AGBL5: variants seen among roughly 807,000 people sequenced by gnomAD.
AGBL5 encodes the protein AGBL carboxypeptidase 5.
AGBL5 carries 51 observed loss-of-function variants against 88.0 expected under a neutral mutation model. The observed-to-expected ratio is 0.58, with a 90% confidence interval of 0.46 to 0.73. AGBL5 has a LOEUF of 0.73. Among genes scored for constraint, AGBL5 ranks in the 30% least tolerant of loss-of-function variants. AGBL5 has a pLI of 0.00. For synonymous variants in AGBL5, 446 were observed against 438.8 expected, an observed-to-expected ratio of 1.02 and a Z score of -0.21; for missense variants, 1,031 against 1,162.2, an observed-to-expected ratio of 0.89 and a Z score of 1.64.
Position 27,053,214 on chromosome 2 carries a change from C to T in AGBL5, c.215+41C>T. Reference sequence around the variant, plus strand: ...TGGAGGGTGGAAAAAGGCTCCAAACCCATGCTTCAGTTAGCCCTCTGACTT... The same window carrying T: ...TGGAGGGTGGAAAAAGGCTCCAAACTCATGCTTCAGTTAGCCCTCTGACTT... On this transcript the variant is annotated intron_variant, in intron 2 of 14. Coordinates refer to ENST00000360131, the MANE Select transcript of AGBL5 (RefSeq NM_021831.6). This position sits in a 1 kb window ranked among gnomAD's most constrained non-coding sequence, Gnocchi z 4.9. 1 of 1,548,182 alleles carries T rather than the reference C, an allele frequency of 6.5e-7. No individual in the cohort carries two copies. The highest frequency in any genetic ancestry group is 8.7e-7 in the Non-Finnish European group (1 of 1,143,344).
chr2:27,070,554 A>C lies in AGBL5; in HGVS notation c.*291A>C. On this transcript the variant is annotated 3_prime_UTR_variant, in exon 15 of 15. Transcript: ENST00000360131. ...CAAGCCCCTATACTGGGCCCTATTC[A>C]GTGGCAGCTTCTTGTTCCATAGGAT... The C allele has an allele frequency of 3.0e-6, 1 of 338,950 alleles. No individual in the cohort carries two copies. Among genetic ancestry groups the C allele is most frequent in the Non-Finnish European group, 5.4e-6 (1 of 184,258 alleles). The allele number at this position is 338,950 out of a possible 1,614,324, so 21.0% of individuals were successfully genotyped here.
At chr2:27,054,980 C>G (rs200709179) in intron 5 of AGBL5, 95 bp from the exon 6 acceptor site, 2 of 1,493,078 alleles carry the variant, frequency 1.3e-6, no homozygotes, top group African/African-American at 2.8e-5. Context: ...GGAAATCCAG[C>G]GGCTATTCCT....
At chr2:27,052,813 G>T in intron 1 of AGBL5, 100 bp from the exon 2 acceptor site, 1 of 634,158 alleles carries the variant, frequency 1.6e-6, no homozygotes. Flanking sequence ...TGTTTCATAG[G>T]GCACTCCCTA....
At chr2:27,068,533 C>A (rs1198507528) in intron 12 of AGBL5, 99 bp from the exon 13 acceptor site, 18 of 1,020,730 alleles carry the variant, frequency 1.8e-5, no homozygotes, top group Non-Finnish European at 1.9e-5. Flanking sequence ...TTATCCAACC[C>A]AAATTGTCAA....
rs1371149175 is a variant in AGBL5, at chr2:27,059,179, C to T, written c.1875-11C>T. ...CCTGGCCCGGGTTAACTGGCATCTG[C>T]TTCTTTGCAGTGGGTTGCCTGTCTC... On this transcript the variant is annotated splice_polypyrimidine_tract_variant and intron_variant, in intron 10 of 14. Coordinates refer to ENST00000360131, the MANE Select transcript of AGBL5 (RefSeq NM_021831.6). The T allele has an allele frequency of 6.2e-7, 1 of 1,610,506 alleles. No individual in the cohort carries two copies. The highest frequency in any genetic ancestry group is 8.5e-7 in the Non-Finnish European group (1 of 1,177,964).
At position 27,068,762 on chromosome 2, in the gene AGBL5, C is replaced by CTG. The variant is rs1669120307; in HGVS notation, c.2355+18_2355+19insTG. On this transcript the variant is annotated intron_variant, in intron 13 of 14. Coordinates refer to ENST00000360131, the MANE Select transcript of AGBL5 (RefSeq NM_021831.6). ...GATTGCAGGTAATATTTTTGGGTCT[C>CTG]CAGCATAGCTACTCTGGCAGAACCC... 1 of 1,613,182 alleles carries CTG rather than the reference C, an allele frequency of 6.2e-7. No homozygotes were observed. The highest frequency in any genetic ancestry group is 1.7e-5 in the Admixed American group (1 of 59,882).
At chr2:27,055,601 C>T (rs546416773) in intron 6 of AGBL5, 81 bp from the exon 7 acceptor site, 119 of 1,291,132 alleles carry the variant, frequency 9.2e-5, no homozygotes, top group Non-Finnish European at 1.2e-4. Context: ...CAGTCTCCTA[C>T]GGTCTCCTTT....
At chr2:27,059,674 T>A in intron 11 of AGBL5, 2 of 664,198 alleles carry the variant, frequency 3.0e-6, no homozygotes, top group Non-Finnish European at 4.9e-6. Context: ...GATGAAACAC[T>A]AGCTGAAGCA....
rs1668294068 is a variant in AGBL5 at position 27,053,799 on chromosome 2, G to A, written c.388-97G>A. 6.7e-7 allele frequency: 1 copy of A among 1,490,432 alleles called. No homozygotes were observed. The highest frequency in any genetic ancestry group is 1.4e-5 in the African/African-American group (1 of 71,220). 92.3% of individuals were successfully genotyped at this position (1,490,432 alleles called of 1,614,324 possible). The stretch of plus-strand genomic sequence containing the variant: ...TGTCACAGGGAGGGAAGTTGGTAAA[G>A]GTGATAAGGGTGTGAGGTCAGTTCC... On this transcript the variant is annotated intron_variant, in intron 3 of 14. Transcript: ENST00000360131. The surrounding 1 kb of genome is among the most constrained non-coding windows in gnomAD (Gnocchi z 4.9).
chr2:27,061,561 T>A (rs1267112722), intron 11 of AGBL5: 1 of 151,894 alleles, frequency 6.6e-6, no homozygotes, highest in African/African-American at 2.4e-5. Flanking sequence ...TAGAGACGGG[T>A]TTCACCATGT....
intron 11 of AGBL5, among the ~76,000 whole-genome samples, chr2:27,066,033 A>AGGTGGGT (rs1265583437): frequency 7.2e-5 from 11 of 152,194 alleles, no homozygotes; most frequent in African/African-American, 2.4e-4. Flanking sequence ...CTGAAGCAGG[A>AGGTGGGT]GGATCGCTTG....
At chr2:27,059,470 G>A in intron 11 of AGBL5, 66 bp downstream of exon 11, 1 of 1,603,424 alleles carries the variant, frequency 6.2e-7, no homozygotes, top group Non-Finnish European at 8.5e-7. Context: ...GGGGAAGTAA[G>A]AGCTTGAAGA....
upstream of AGBL5, chr2:27,051,012 T>C (rs1668082778): frequency 6.6e-6 from 1 of 152,292 alleles, no homozygotes; most frequent in African/African-American, 2.4e-5. Flanking sequence ...ACGCTCTTTC[T>C]GCGTTCAATG....
intron 11 of AGBL5, among the ~76,000 whole-genome samples, chr2:27,063,822 C>A (rs1466081378): frequency 6.6e-6 from 1 of 152,108 alleles, no homozygotes; most frequent in East Asian, 1.9e-4. Context: ...GATCAGTCTC[C>A]CCTCAGACCT....
intron 11 of AGBL5, among the ~76,000 whole-genome samples, chr2:27,059,938 C>G (rs1333410324): frequency 6.6e-6 from 1 of 152,140 alleles, no homozygotes; most frequent in African/African-American, 2.4e-5. Flanking sequence ...CACTTGAGGC[C>G]AGGAGTTCAA....
Position 27,053,943 on chromosome 2 carries a change from G to A in AGBL5, c.435G>A (p.Glu145=). 1 of 1,614,102 alleles carries A rather than the reference G, an allele frequency of 6.2e-7. No individual in the cohort carries two copies. Among genetic ancestry groups the A allele is most frequent in the Non-Finnish European group, 8.5e-7 (1 of 1,180,006 alleles). ...FVLSFVHRFV[E]GRGATTFFAF... is the part of the protein sequence containing the mutation. ...TATCCTTTGTTCATCGTTTCGTGGA[G>A]GGCCGTGGGGCCACCACCTTCTTCG... The change falls in exon 4 of 15, where the codon GAG becomes GAA. Residue 145 remains glutamate, a synonymous_variant. Coordinates refer to ENST00000360131, the MANE Select transcript of AGBL5 (RefSeq NM_021831.6). The surrounding 1 kb of genome is among the most constrained non-coding windows in gnomAD (Gnocchi z 4.9).
Position 27,056,716 on chromosome 2 carries a change from C to T in AGBL5, c.1459C>T (p.Arg487Ter), listed in dbSNP as rs749698218. The change falls in exon 8 of 15, where the codon CGA becomes TGA. Residue 487 changes from arginine (R) to a stop codon, truncating the protein, a stop_gained. Transcript: ENST00000360131. LOFTEE classifies it high-confidence loss of function. ...TTTCTCAGAGAAGAATATGTATGCC[C>T]GAGACCGTAGAGATGGCCAGTCTAA... ...CNFSEKNMYARDRRDGQSKEG... is the reference protein window; with the variant it reads ...CNFSEKNMYA 10 of 1,613,560 alleles carry T rather than the reference C, an allele frequency of 6.2e-6. No individual in the cohort carries two copies. Among genetic ancestry groups the T allele is most frequent in the South Asian group, 1.1e-5 (1 of 91,032 alleles).
intron 13 of AGBL5, chr2:27,069,138 A>G: frequency 7.5e-7 from 1 of 1,337,230 alleles, no homozygotes; most frequent in Non-Finnish European, 9.8e-7. Context: ...CCTGCCACCA[A>G]CTCCGATTCA....
intron 7 of AGBL5, 106 bp downstream of exon 7, chr2:27,056,244 G>A: frequency 2.4e-6 from 3 of 1,256,350 alleles, no homozygotes; most frequent in Non-Finnish European, 3.3e-6. Context: ...TTTCTGGAAG[G>A]AAGGCCTGTG....
Sources: gnomAD v4.1 joint callset for allele counts (sites outside exome capture counted in the v4.1 genomes callset) on GRCh38, gnomAD v4.1.1 for gene constraint, Gnocchi (gnomAD v3.1) non-coding constraint, MANE v1.5 for transcripts, NCBI Gene and HGNC (gene_info 2026-07-23, HGNC 2026-07-21) for gene names.